Variants in NAALADL2 observed in about 807,000 individuals in gnomAD.
NAALADL2 encodes N-acetylated alpha-linked acidic dipeptidase like 2, also known as inactive N-acetylated-alpha-linked acidic dipeptidase-like protein 2.
A neutral mutation model predicts 87.2 loss-of-function variants in NAALADL2; 76 were observed. The observed-to-expected ratio is 0.87, with a 90% confidence interval of 0.72 to 1.05. NAALADL2 has a LOEUF of 1.05. NAALADL2 is among the 50% of genes least tolerant of loss of function. The probability of loss-of-function intolerance (pLI) is 0.00; values close to 1 mark genes in which losing one functional copy is unlikely to be tolerated. For missense variants in NAALADL2, 1,089 were observed against 945.8 expected, an observed-to-expected ratio of 1.15 and a Z score of -1.99; for synonymous variants, 354 against 331.0, an observed-to-expected ratio of 1.07 and a Z score of -0.75.
At chr3:174,510,356 G>T (rs771166612) in intron 1 of NAALADL2, among the ~76,000 whole-genome samples, 3 of 152,008 alleles carry the variant, frequency 2.0e-5, no homozygotes, top group African/African-American at 2.4e-5. Flanking sequence ...CAGTTCTCCA[G>T]TGAGGCTATG....
At chr3:175,026,852 A>G (rs1752289895) in intron 1 of NAALADL2, among the ~76,000 whole-genome samples, 1 of 152,136 alleles carries the variant, frequency 6.6e-6, no homozygotes, top group Non-Finnish European at 1.5e-5. Context: ...ACTGGGGAGC[A>G]CATCTAAAGA....
chr3:174,712,257 A>T (rs1304675710), intron 2 of NAALADL2, among the ~76,000 whole-genome samples: 3 of 151,920 alleles, frequency 2.0e-5, no homozygotes, highest in Non-Finnish European at 4.4e-5. Flanking sequence ...TTATTTAATA[A>T]TTTCTAATGG....
chr3:174,824,096 G>A lies in NAALADL2; in HGVS notation c.-9+86350G>A, dbSNP rs185150121. ...GCTAACTTAAATGTGTATTATCTAA[G>A]GGAAATTGAGTTTCATAAACTAATT... On this transcript the variant is annotated intron_variant, in intron 3 of 3. Coordinates refer to the NAALADL2 transcript ENST00000434257. Among the ~76,000 whole-genome samples the A allele has an allele frequency of 1.4e-4, 21 of 152,262 alleles. No individual in the cohort carries two copies. In the East Asian group the frequency reaches 4.1e-3, roughly 29 times the overall value.
intron 9 of NAALADL2, among the ~76,000 whole-genome samples, chr3:175,504,300 T>C (rs2149376544): frequency 6.6e-6 from 1 of 152,316 alleles, no homozygotes; most frequent in South Asian, 2.1e-4. Context: ...TAAGAATTTC[T>C]GGACGGTTGG....
At chr3:175,249,117 T>C (rs1467501633) in intron 3 of NAALADL2, among the ~76,000 whole-genome samples, 1 of 152,180 alleles carries the variant, frequency 6.6e-6, no homozygotes, top group East Asian at 1.9e-4. Flanking sequence ...TTATTTTTTG[T>C]GTGCGTATAT....
At chr3:175,132,246 G>A (rs1409018418) in intron 2 of NAALADL2, among the ~76,000 whole-genome samples, 36 of 36,990 alleles carry the variant, frequency 9.7e-4, no homozygotes, top group Non-Finnish European at 1.2e-3. Flanking sequence ...GGACGGGGCG[G>A]CTGGCCGGGC....
intron 2 of NAALADL2, among the ~76,000 whole-genome samples, chr3:174,668,059 C>T (rs1421211192): frequency 6.6e-6 from 1 of 152,034 alleles, no homozygotes; most frequent in Non-Finnish European, 1.5e-5. Flanking sequence ...AGTGGTTACT[C>T]TAGTAGGTGT....
At chr3:175,273,035 T>C (rs1421781066) in intron 4 of NAALADL2, among the ~76,000 whole-genome samples, 1 of 152,134 alleles carries the variant, frequency 6.6e-6, no homozygotes, top group African/African-American at 2.4e-5. Flanking sequence ...TATTTTTCAT[T>C]GATGTACTAA....
At chr3:174,759,697 A>G (rs1712644012) in intron 3 of NAALADL2, among the ~76,000 whole-genome samples, 1 of 150,690 alleles carries the variant, frequency 6.6e-6, no homozygotes, top group South Asian at 2.1e-4. Flanking sequence ...AATACAATAC[A>G]AATCACTTTT....
intron 11 of NAALADL2, among the ~76,000 whole-genome samples, chr3:175,636,039 G>T (rs1728483317): frequency 6.6e-6 from 1 of 152,140 alleles, no homozygotes; most frequent in South Asian, 2.1e-4. Context: ...GTCCTGGAGA[G>T]AGTACTTACT....
chr3:175,411,514 G>A (rs1379765538), intron 5 of NAALADL2, among the ~76,000 whole-genome samples: 14 of 151,800 alleles, frequency 9.2e-5, no homozygotes, highest in Admixed American at 9.2e-4. Flanking sequence ...TGTAATGAGA[G>A]CTTAAGACAC....
chr3:175,523,233 T>G (rs538907977), intron 9 of NAALADL2, among the ~76,000 whole-genome samples: 15 of 152,332 alleles, frequency 9.8e-5, no homozygotes, highest in African/African-American at 2.6e-4. Flanking sequence ...CAGGAGTTGT[T>G]AGAACTGAGG....
chr3:174,972,373 G>C (rs1743804012), intron 1 of NAALADL2, among the ~76,000 whole-genome samples: 1 of 152,110 alleles, frequency 6.6e-6, no homozygotes, highest in Non-Finnish European at 1.5e-5. Context: ...TTTTCTCACA[G>C]TTCTGAAGGC....
At chr3:175,244,561 G>A (rs1747597658) in intron 3 of NAALADL2, among the ~76,000 whole-genome samples, 1 of 151,948 alleles carries the variant, frequency 6.6e-6, no homozygotes. Flanking sequence ...TAGATTTTCT[G>A]AAATTTTATC....
chr3:175,134,354 C>T (rs1002831865), intron 2 of NAALADL2, among the ~76,000 whole-genome samples: 1 of 152,126 alleles, frequency 6.6e-6, no homozygotes, highest in Non-Finnish European at 1.5e-5. Context: ...TATTGTATCT[C>T]CTGAAAGTGT....
At chr3:174,878,053 CAG>C (rs1398920386) in intron 1 of NAALADL2, among the ~76,000 whole-genome samples, 1 of 151,960 alleles carries the variant, frequency 6.6e-6, no homozygotes, top group African/African-American at 2.4e-5. Context: ...ACAAAGAAAA[CAG>C]TGATATACAT....
chr3:174,597,092 T>G (rs1178549043), intron 2 of NAALADL2, among the ~76,000 whole-genome samples: 1 of 152,200 alleles, frequency 6.6e-6, no homozygotes, highest in African/African-American at 2.4e-5. Context: ...GGTGTTTTAT[T>G]TATGGCCATA....
intron 9 of NAALADL2, among the ~76,000 whole-genome samples, chr3:175,510,069 A>G (rs1199073139): frequency 1.4e-5 from 2 of 146,150 alleles, no homozygotes; most frequent in Non-Finnish European, 3.0e-5. Context: ...CTCATTGTTC[A>G]ATTCCCACCT....
At chr3:175,463,621 G>C in intron 7 of NAALADL2, 128 bp downstream of exon 7, 1 of 462,024 alleles carries the variant, frequency 2.2e-6, no homozygotes, top group Non-Finnish European at 3.7e-6. Context: ...CCCACTCTTA[G>C]AGTAGATAAA....
Sources: gnomAD v4.1 joint callset for allele counts (sites outside exome capture counted in the v4.1 genomes callset) on GRCh38, gnomAD v4.1.1 for gene constraint, MANE v1.5 for transcripts, NCBI Gene and HGNC (gene_info 2026-07-23, HGNC 2026-07-21) for gene names.